Variants in MACROD2 observed in about 807,000 individuals in gnomAD.
MACROD2 encodes mono-ADP ribosylhydrolase 2, also known as ADP-ribose glycohydrolase MACROD2.
MACROD2 carries 36 observed loss-of-function variants against 70.4 expected under a neutral mutation model. That is an observed-to-expected ratio of 0.51 (90% CI 0.39 to 0.68). MACROD2 has a LOEUF of 0.68. MACROD2 is among the 30% of genes least tolerant of loss of function. The probability of loss-of-function intolerance (pLI) is 0.00; values close to 1 mark genes in which losing one functional copy is unlikely to be tolerated. For missense variants in MACROD2, 496 were observed against 538.4 expected (o/e 0.92, Z 0.78); for synonymous variants, 172 against 178.8 (o/e 0.96, Z 0.30).
intron 8 of MACROD2, among the ~76,000 whole-genome samples, chr20:15,717,159 C>T (rs1312537399): frequency 6.6e-6 from 1 of 152,158 alleles, no homozygotes; most frequent in African/African-American, 2.4e-5. Flanking sequence ...TCATTTCTTC[C>T]TTAAGGAGGC....
intron 8 of MACROD2, among the ~76,000 whole-genome samples, chr20:15,587,099 C>A (rs1016537905): frequency 6.6e-6 from 1 of 152,098 alleles, no homozygotes; most frequent in African/African-American, 2.4e-5. Flanking sequence ...GTGAAGAAAA[C>A]GTTTAATTGG....
At chr20:14,957,359 C>T (rs977641569) in intron 5 of MACROD2, among the ~76,000 whole-genome samples, 4 of 152,014 alleles carry the variant, frequency 2.6e-5, no homozygotes, top group African/African-American at 9.7e-5. Context: ...AAAGAAAACA[C>T]GTTTCACAGA....
chr20:15,278,114 C>G (rs2077409528), intron 6 of MACROD2, among the ~76,000 whole-genome samples: 1 of 152,170 alleles, frequency 6.6e-6, no homozygotes, highest in Non-Finnish European at 1.5e-5. Flanking sequence ...AGTGATGTTA[C>G]AGTTACAAAA....
At chr20:15,389,429 G>T (rs958021383) in intron 6 of MACROD2, among the ~76,000 whole-genome samples, 1 of 152,134 alleles carries the variant, frequency 6.6e-6, no homozygotes, top group Non-Finnish European at 1.5e-5. Flanking sequence ...ATTACAGAAA[G>T]AAAAATTTAA....
Position 15,559,182 on chromosome 20 carries a change from G to A in MACROD2, c.645+59335G>A, listed in dbSNP as rs555999569. ...GTGGAGCTTGCAGTGAGTCGAGATC[G>A]CGCCACTGCACTCCAGCCTGGGCGA... On this transcript the variant is annotated intron_variant, in intron 8 of 17. Coordinates refer to ENST00000684519, the MANE Select transcript of MACROD2 (RefSeq NM_001351661.2). Among the ~76,000 whole-genome samples, 11 of 137,618 alleles carry A rather than the reference G, an allele frequency of 8.0e-5. No homozygotes were observed. The East Asian group carries it at 1.6e-3, about 19-fold the overall frequency. 90.3% of individuals were successfully genotyped at this position (137,618 alleles called of 152,430 possible).
At chr20:15,984,652 T>G (rs2147462766) in intron 13 of MACROD2, among the ~76,000 whole-genome samples, 1 of 151,478 alleles carries the variant, frequency 6.6e-6, no homozygotes, top group African/African-American at 2.4e-5. Context: ...CCCTTCTCTT[T>G]TTTAAAGCGA....
chr20:14,802,407 T>G (rs2072587696), intron 5 of MACROD2, among the ~76,000 whole-genome samples: 1 of 152,104 alleles, frequency 6.6e-6, no homozygotes, highest in Non-Finnish European at 1.5e-5. Flanking sequence ...CTTGTCATTG[T>G]TAAATTTTCC....
intron 5 of MACROD2, among the ~76,000 whole-genome samples, chr20:15,126,111 CTTTTTT>C (rs5840654): frequency 1.0e-4 from 10 of 98,778 alleles, no homozygotes; most frequent in Admixed American, 2.1e-4. Flanking sequence ...ATTGTTTCAA[CTTTTTT>C]TTTTTTTTTT....
At chr20:15,513,189 C>A (rs1459894576) in intron 8 of MACROD2, among the ~76,000 whole-genome samples, 2 of 152,210 alleles carry the variant, frequency 1.3e-5, no homozygotes, top group African/African-American at 4.8e-5. Context: ...TTCTTTCAAG[C>A]CTTTTTGTCT....
chr20:15,671,733 G>C (rs1359809929), intron 8 of MACROD2, among the ~76,000 whole-genome samples: 3 of 152,172 alleles, frequency 2.0e-5, no homozygotes, highest in Non-Finnish European at 4.4e-5. Flanking sequence ...TGTGGATCAG[G>C]TTCTCTGCTT....
intron 7 of MACROD2, among the ~76,000 whole-genome samples, chr20:15,465,715 C>T (rs151239415): frequency 3.0e-4 from 46 of 152,312 alleles, no homozygotes; most frequent in African/African-American, 1.0e-3. Context: ...TGGGGCTCCA[C>T]AAGAGTGACG....
chr20:14,014,576 A>G (rs947961138), intron 2 of MACROD2, among the ~76,000 whole-genome samples: 2 of 152,160 alleles, frequency 1.3e-5, no homozygotes, highest in East Asian at 1.9e-4. Context: ...AGTTCATACA[A>G]TAATTTAGAG....
At chr20:14,633,993 G>T (rs1984649315) in intron 4 of MACROD2, among the ~76,000 whole-genome samples, 3 of 152,066 alleles carry the variant, frequency 2.0e-5, no homozygotes, top group Non-Finnish European at 2.9e-5. Flanking sequence ...ACTCAGCCTG[G>T]CCTTGATTTA....
chr20:14,844,206 C>T (rs1279555165), intron 5 of MACROD2, among the ~76,000 whole-genome samples: 2 of 151,748 alleles, frequency 1.3e-5, no homozygotes, highest in Non-Finnish European at 2.9e-5. Context: ...ATTTTTTTTC[C>T]CCCAAAATCC....
At chr20:14,884,281 T>G (rs1203750937) in intron 5 of MACROD2, 1 of 152,298 alleles carries the variant, frequency 6.6e-6, no homozygotes, top group Non-Finnish European at 1.5e-5. Context: ...AATTATTTAT[T>G]TGGTTCACAA....
intron 5 of MACROD2, among the ~76,000 whole-genome samples, chr20:14,840,879 G>C (rs1328950934): frequency 6.6e-6 from 1 of 151,996 alleles, no homozygotes; most frequent in Non-Finnish European, 1.5e-5. Context: ...AGAGTGCAGG[G>C]CTAGTATGAG....
chr20:14,281,266 T>G (rs2082304037), intron 3 of MACROD2, among the ~76,000 whole-genome samples: 1 of 152,194 alleles, frequency 6.6e-6, no homozygotes, highest in African/African-American at 2.4e-5. Context: ...TACTGATATT[T>G]ATTACAGTAT....
intron 3 of MACROD2, among the ~76,000 whole-genome samples, chr20:14,252,269 G>A (rs1046748082): frequency 3.3e-5 from 5 of 151,980 alleles, no homozygotes; most frequent in East Asian, 3.9e-4. Flanking sequence ...GGTGATGTGA[G>A]CCTATCTGGA....
intron 3 of MACROD2, among the ~76,000 whole-genome samples, chr20:14,412,777 T>C (rs2083763777): frequency 6.6e-6 from 1 of 152,164 alleles, no homozygotes; most frequent in African/African-American, 2.4e-5. Flanking sequence ...AAAACTATTG[T>C]CATCAAACCT....
Sources: allele counts gnomAD v4.1 joint callset (sites outside exome capture counted in the v4.1 genomes callset), GRCh38; gene constraint gnomAD v4.1.1; transcripts MANE v1.5; gene names NCBI Gene and HGNC (gene_info 2026-07-23, HGNC 2026-07-21).